Variants in HOTAIR observed in about 807,000 individuals in gnomAD.
HOTAIR encodes the protein HOX transcript antisense RNA (non-protein coding).
In HOTAIR at chr12:53,973,690, CCTTCGACCGTTT is replaced by C. The variant is rs1474692745; in HGVS notation, n.59+1196_59+1207del. 6.2e-7 allele frequency: 1 copy of C among 1,613,722 alleles called. No individual in the cohort carries two copies. Among genetic ancestry groups the C allele is most frequent in the Non-Finnish European group, 8.5e-7 (1 of 1,180,046 alleles). Reference sequence around the variant, plus strand: ...AACAAGAACAGCGTCCTGCCTCAAGCCTTCGACCGTTTCTTCGACAACGCCTACTGCGGTGGC... The same window carrying C: ...AACAAGAACAGCGTCCTGCCTCAAGCCTTCGACAACGCCTACTGCGGTGGC... On this transcript the variant is annotated intron_variant and non_coding_transcript_variant, in intron 1 of 6. Coordinates refer to ENST00000424518, the Ensembl canonical transcript of HOTAIR. The surrounding 1 kb of genome is among the most constrained non-coding windows in gnomAD (Gnocchi z 4.3).
chr12:53,970,045 T>G (rs1939122988), intron 1 of HOTAIR, among the ~76,000 whole-genome samples: 2 of 151,992 alleles, frequency 1.3e-5, no homozygotes, highest in Admixed American at 1.3e-4. Context: ...GGTGCTGGAG[T>G]CTGCCTTAAC....
intron 1 of HOTAIR, among the ~76,000 whole-genome samples, chr12:53,969,631 G>A (rs1180933123): frequency 2.0e-5 from 3 of 152,208 alleles, no homozygotes; most frequent in Admixed American, 1.3e-4. Context: ...TGATATTACT[G>A]TAAGGGAGAG....
chr12:53,965,337 C>T (rs1288990087), intron 5 of HOTAIR, among the ~76,000 whole-genome samples: 3 of 152,244 alleles, frequency 2.0e-5, no homozygotes, highest in African/African-American at 4.8e-5. Context: ...CCACTAGGGT[C>T]ACAGAGACTT....
chr12:53,964,085 CTTT>C (rs1939006413), exon 7 of HOTAIR: 1 of 151,972 alleles, frequency 6.6e-6, no homozygotes, highest in Non-Finnish European at 1.5e-5. Flanking sequence ...TTCGTGGTTG[CTTT>C]TTCTACCAGG....
chr12:53,974,846 G>C (rs950298378), intron 1 of HOTAIR: 1 of 252,096 alleles, frequency 4.0e-6, no homozygotes, highest in Admixed American at 5.2e-5. Flanking sequence ...CCCAGGAAGG[G>C]CCCGAGGGCG....
rs778097278 is a variant in HOTAIR at position 53,973,823 on chromosome 12, G to A, written n.59+1075C>T. ...CCTCGGGACTGGCGTCCCGGGCTGA[G>A]GCGGGTGCCGAGGCGGAGGCTGAGG... On this transcript the variant is annotated intron_variant and non_coding_transcript_variant, in intron 1 of 6. Coordinates refer to ENST00000424518, the Ensembl canonical transcript of HOTAIR. The surrounding 1 kb of genome is among the most constrained non-coding windows in gnomAD (Gnocchi z 4.3). 11 of 1,529,724 alleles carry A rather than the reference G, an allele frequency of 7.2e-6. No individual in the cohort carries two copies. The African/African-American group carries it at 9.7e-5, about 14-fold the overall frequency. 94.8% of individuals were successfully genotyped at this position (1,529,724 alleles called of 1,614,324 possible). A position where few individuals can be genotyped will look rare whatever the true frequency, so the allele number is the denominator to read the frequency against.
rs1939123414 is a variant in HOTAIR, at chr12:53,970,080, G to T, written n.60-1324C>A. On this transcript the variant is annotated intron_variant and non_coding_transcript_variant, in intron 1 of 6. Coordinates refer to ENST00000424518, the Ensembl canonical transcript of HOTAIR. ...CTTTGGTCCAGCTACCTGGACAGCTGCCCAGACCGCAGCCGCCTGCTAGCA... is the reference window on the plus strand; with the variant it reads ...CTTTGGTCCAGCTACCTGGACAGCTTCCCAGACCGCAGCCGCCTGCTAGCA... Among the ~76,000 whole-genome samples the T allele has an allele frequency of 1.3e-5, 2 of 152,264 alleles. 1 individual carries two copies. The highest frequency in any genetic ancestry group is 1.3e-4 in the Admixed American group (2 of 15,294).
At chr12:53,962,534 T>C (rs918547728) in exon 7 of HOTAIR, 31 of 152,206 alleles carry the variant, frequency 2.0e-4, no homozygotes, top group African/African-American at 7.5e-4. Flanking sequence ...ACCTACCCAA[T>C]GTATGGAAAA....
intron 1 of HOTAIR, chr12:53,974,892 G>C (rs1169974656): frequency 5.6e-6 from 2 of 357,988 alleles, no homozygotes; most frequent in African/African-American, 2.2e-5. Context: ...GGGGACGCAC[G>C]TGTACCTGGA....
At chr12:53,971,840 A>G (rs2136374427) in intron 1 of HOTAIR, among the ~76,000 whole-genome samples, 1 of 152,352 alleles carries the variant, frequency 6.6e-6, no homozygotes, top group African/African-American at 2.4e-5. Flanking sequence ...GGGGTTGGGG[A>G]TGCAGAATGA....
At chr12:53,968,882 CCT>C (rs1939104198) in intron 1 of HOTAIR, 1 of 152,246 alleles carries the variant, frequency 6.6e-6, no homozygotes, top group African/African-American at 2.4e-5. Context: ...CCTTCCCACC[CCT>C]CTCTTTTCTT....
chr12:53,966,841 G>T lies in HOTAIR; in HGVS notation n.325+428C>A, dbSNP rs550520494. On this transcript the variant is annotated intron_variant and non_coding_transcript_variant, in intron 3 of 6. Coordinates refer to ENST00000424518, the Ensembl canonical transcript of HOTAIR. ...GCGCCGCAGCCGGCCCGGCGAGACC[G>T]AAAGAGCCCCGTATCCGCCGCGACA... is the stretch of plus-strand genomic sequence containing the variant. 6.6e-5 allele frequency among the ~76,000 whole-genome samples: 10 copies of T among 152,276 alleles called. No individual in the cohort carries two copies. In the South Asian group the frequency reaches 1.9e-3, roughly 28 times the overall value.
exon 7 of HOTAIR, chr12:53,962,550 T>C (rs866572114): frequency 2.6e-5 from 4 of 152,256 alleles, no homozygotes; most frequent in Non-Finnish European, 4.4e-5. Context: ...GAAAATATAT[T>C]CTGTGAGTTG....
chr12:53,973,188 C>A lies in HOTAIR; in HGVS notation n.59+1710G>T. ...CATCTCGCCTTCCCAAATTTTCCCC[C>A]CTCGCTAGACCGGGTCCAAAACCTC... On this transcript the variant is annotated intron_variant and non_coding_transcript_variant, in intron 1 of 6. Coordinates refer to ENST00000424518, the Ensembl canonical transcript of HOTAIR. This position sits in a 1 kb window ranked among gnomAD's most constrained non-coding sequence, Gnocchi z 4.3. The A allele has an allele frequency of 6.9e-7, 1 of 1,444,402 alleles. No homozygotes were observed. Among genetic ancestry groups the A allele is most frequent in the Admixed American group, 2.2e-5 (1 of 44,484 alleles). 89.5% of individuals were successfully genotyped at this position (1,444,402 alleles called of 1,614,324 possible). A position where few individuals can be genotyped will look rare whatever the true frequency, so the allele number is the denominator to read the frequency against.
In HOTAIR at chr12:53,973,495, A is replaced by G. The variant is rs1217741024; in HGVS notation, n.59+1403T>C. On this transcript the variant is annotated intron_variant and non_coding_transcript_variant, in intron 1 of 6. Coordinates refer to ENST00000424518, the Ensembl canonical transcript of HOTAIR. The surrounding 1 kb of genome is among the most constrained non-coding windows in gnomAD (Gnocchi z 4.3). Reference sequence around the variant, plus strand: ...CTGGAGCCATCCGGCAAGTGGCACCATCGGAACAGCTACTCCTCCTGCTAT... The same window carrying G: ...CTGGAGCCATCCGGCAAGTGGCACCGTCGGAACAGCTACTCCTCCTGCTAT... 1 of 1,613,910 alleles carries G rather than the reference A, an allele frequency of 6.2e-7. No individual in the cohort carries two copies. Among genetic ancestry groups the G allele is most frequent in the South Asian group, 1.1e-5 (1 of 91,058 alleles).
chr12:53,968,863 C>T (rs1384385539), intron 1 of HOTAIR: 4 of 152,182 alleles, frequency 2.6e-5, no homozygotes, highest in Non-Finnish European at 4.4e-5. Flanking sequence ...TGAAGTTTTT[C>T]ACCCCATGCC....
chr12:53,974,926 C>G, exon 1 of HOTAIR: 1 of 499,562 alleles, frequency 2.0e-6, no homozygotes, highest in Non-Finnish European at 3.5e-6. Context: ...GTCCCAGACC[C>G]TGTCAGCCGC....
rs540405385 is a variant in HOTAIR at position 53,973,954 on chromosome 12, C to T, written n.59+944G>A. The T allele has an allele frequency of 1.8e-5, 25 of 1,424,046 alleles. No homozygotes were observed. The East Asian group carries it at 6.6e-4, about 37-fold the overall frequency. The allele number at this position is 1,424,046 out of a possible 1,614,324, so 88.2% of individuals were successfully genotyped here. On this transcript the variant is annotated intron_variant and non_coding_transcript_variant, in intron 1 of 6. Coordinates refer to ENST00000424518, the Ensembl canonical transcript of HOTAIR. The surrounding 1 kb of genome is among the most constrained non-coding windows in gnomAD (Gnocchi z 4.3). ...TAGCAGCGGCCGGGGAACGGGCGGG[C>T]AGCGAGGGAGGGAGCGAGAGAGGGA...
chr12:53,973,307 C>T lies in HOTAIR; in HGVS notation n.59+1591G>A, dbSNP rs767025016. 13 of 1,613,866 alleles carry T rather than the reference C, an allele frequency of 8.1e-6. No homozygotes were observed. The highest frequency in any genetic ancestry group is 1.1e-5 in the Non-Finnish European group (13 of 1,180,022). ...CGCGCAAGGAGAGGGGCGCAGATTT[C>T]GGCGAGCGAGGGAGCTGCGCCTCCA... On this transcript the variant is annotated intron_variant and non_coding_transcript_variant, in intron 1 of 6. Coordinates refer to ENST00000424518, the Ensembl canonical transcript of HOTAIR. This position sits in a 1 kb window ranked among gnomAD's most constrained non-coding sequence, Gnocchi z 4.3.
Sources: allele counts gnomAD v4.1 joint callset (sites outside exome capture counted in the v4.1 genomes callset), GRCh38; gene constraint gnomAD v4.1.1; non-coding constraint Gnocchi (gnomAD v3.1); transcripts MANE v1.5; gene names NCBI Gene and HGNC (gene_info 2026-07-23, HGNC 2026-07-21).